EML6: variants seen among roughly 807,000 people sequenced by gnomAD.
The protein encoded by EML6 is EMAP like 6, also known as echinoderm microtubule-associated protein-like 6.
Under a neutral mutation model 240.1 loss-of-function variants are expected in EML6, and 154 were observed. The observed-to-expected ratio is 0.64, with a 90% CI of 0.56 to 0.73. EML6 has a LOEUF of 0.73. Ranked by LOEUF, EML6 falls within the 30% of genes least tolerant of loss-of-function variation. EML6 has a pLI of 0.00. For synonymous variants in EML6, 1,148 were observed against 899.0 expected (o/e 1.28, Z -4.95); for missense variants, 2,964 against 2,474.6 (o/e 1.20, Z -4.20).
Position 54,962,522 on chromosome 2 carries a change from G to C in EML6, c.4969-1G>C. On this transcript the variant is annotated splice_acceptor_variant, in intron 35 of 41. Transcript: ENST00000356458. LOFTEE classifies it high-confidence loss of function. ...TTCTAATAGTGTTTCAATTACAACA[G>C]GGAAAAATCTTAGTGGGAACCAAAG... The C allele has an allele frequency of 1.3e-6, 2 of 1,541,440 alleles. No homozygotes were observed. The highest frequency in any genetic ancestry group is 1.8e-6 in the Non-Finnish European group (2 of 1,141,922).
At chr2:54,841,177 G>C (rs1337853881) in intron 7 of EML6, among the ~76,000 whole-genome samples, 1 of 152,260 alleles carries the variant, frequency 6.6e-6, no homozygotes, top group African/African-American at 2.4e-5. Context: ...CTGTCAGCTT[G>C]CAATGACATC....
intron 2 of EML6, among the ~76,000 whole-genome samples, chr2:54,790,887 A>G (rs1186167634): frequency 1.3e-5 from 2 of 151,698 alleles, no homozygotes; most frequent in Admixed American, 6.5e-5. Context: ...CACCGCGCCC[A>G]GCTAATTTTT....
chr2:54,820,357 A>G, intron 4 of EML6, 37 bp from the exon 5 acceptor site: 3 of 1,445,008 alleles, frequency 2.1e-6, no homozygotes, highest in Non-Finnish European at 2.8e-6. Flanking sequence ...AAAATATACC[A>G]AATGATCAAC....
At chr2:54,945,325 C>T (rs1385044290) in intron 28 of EML6, among the ~76,000 whole-genome samples, 1 of 135,416 alleles carries the variant, frequency 7.4e-6, no homozygotes, top group African/African-American at 2.7e-5. Flanking sequence ...CTTTGGATTT[C>T]CCAAGACATT....
intron 2 of EML6, among the ~76,000 whole-genome samples, chr2:54,731,149 AGG>A (rs983161994): frequency 2.6e-5 from 4 of 152,220 alleles, no homozygotes; most frequent in African/African-American, 7.2e-5. Flanking sequence ...CAAAAGTGCC[AGG>A]GTGGGAAGAA....
rs118158787 is a variant in EML6 at position 54,782,523 on chromosome 2, C to G, written c.198-30709C>G. Among the ~76,000 whole-genome samples, 464 of 152,254 alleles carry G rather than the reference C, an allele frequency of 3.0e-3. 8 individuals carry two copies. The highest frequency in any genetic ancestry group is 0.018 in the East Asian group (92 of 5,190). ...CTTAGATCTTGTTCTTTCTTCTGTTCCTTCTGTAAACCAACTAAGACATAA... is the reference window on the plus strand; with the variant it reads ...CTTAGATCTTGTTCTTTCTTCTGTTGCTTCTGTAAACCAACTAAGACATAA... On this transcript the variant is annotated intron_variant, in intron 2 of 41. Transcript: ENST00000356458.
At chr2:54,731,395 T>G (rs1425249736) in intron 2 of EML6, among the ~76,000 whole-genome samples, 3 of 152,126 alleles carry the variant, frequency 2.0e-5, no homozygotes, top group Admixed American at 6.5e-5. Flanking sequence ...ATCCCAGCAC[T>G]TTGGGAGGCT....
intron 24 of EML6, among the ~76,000 whole-genome samples, chr2:54,908,067 T>A (rs1427936614): frequency 6.6e-6 from 1 of 152,156 alleles, no homozygotes; most frequent in Non-Finnish European, 1.5e-5. Context: ...AAGAAACATG[T>A]ATTAGCAGCA....
At position 54,784,766 on chromosome 2, in the gene EML6, A is replaced by G. The variant is rs1260522961; in HGVS notation, c.198-28466A>G. Among the ~76,000 whole-genome samples the G allele has an allele frequency of 4.6e-5, 7 of 152,220 alleles. No individual in the cohort carries two copies. In the East Asian group the frequency reaches 5.8e-4, roughly 13 times the overall value. On this transcript the variant is annotated intron_variant, in intron 2 of 41. Coordinates refer to ENST00000356458, the MANE Select transcript of EML6 (RefSeq NM_001039753.4). ...GTTACATAGGTAAATGTGTGCACCTATCAACCCATCATCGAGGTATTAAGC... is the reference window on the plus strand; with the variant it reads ...GTTACATAGGTAAATGTGTGCACCTGTCAACCCATCATCGAGGTATTAAGC...
chr2:54,874,713 G>T (rs543453080), intron 16 of EML6, among the ~76,000 whole-genome samples: 2 of 152,190 alleles, frequency 1.3e-5, no homozygotes, highest in African/African-American at 4.8e-5. Flanking sequence ...TTGACTGGGG[G>T]TTGGGGTGAG....
At chr2:54,859,982 C>G (rs563034972) in intron 12 of EML6, among the ~76,000 whole-genome samples, 1 of 152,314 alleles carries the variant, frequency 6.6e-6, no homozygotes, top group Non-Finnish European at 1.5e-5. Flanking sequence ...TCCCTCCACT[C>G]ATGGACACCA....
At chr2:54,899,819 T>A (rs543001634) in intron 22 of EML6, 37 bp downstream of exon 22, 679 of 1,524,486 alleles carry the variant, frequency 4.5e-4, no homozygotes, top group Non-Finnish European at 5.8e-4. Flanking sequence ...TCAGAGTATT[T>A]ACAAGTAACA....
At chr2:54,943,068 T>A (rs1675509625) in intron 28 of EML6, among the ~76,000 whole-genome samples, 1 of 152,076 alleles carries the variant, frequency 6.6e-6, no homozygotes, top group African/African-American at 2.4e-5. Flanking sequence ...AGCTCCTCCA[T>A]CCTTTCCTTT....
intron 28 of EML6, among the ~76,000 whole-genome samples, chr2:54,929,897 A>C (rs1290046916): frequency 1.3e-5 from 2 of 152,206 alleles, no homozygotes; most frequent in African/African-American, 4.8e-5. Context: ...ATTTTTCTGC[A>C]GTGGTCTTCA....
chr2:54,960,513 T>A (rs1676449087), intron 35 of EML6, among the ~76,000 whole-genome samples, 179 bp downstream of exon 35: 1 of 152,198 alleles, frequency 6.6e-6, no homozygotes, highest in Admixed American at 6.5e-5. Flanking sequence ...AAGAACCAGC[T>A]GGGTGACCTT....
At chr2:54,952,256 G>A (rs1231889834) in intron 30 of EML6, among the ~76,000 whole-genome samples, 2 of 152,172 alleles carry the variant, frequency 1.3e-5, no homozygotes, top group Non-Finnish European at 2.9e-5. Context: ...GTGCCATGGA[G>A]TGGAGGAGAC....
At chr2:54,967,131 G>A (rs990149577) in intron 39 of EML6, 28 bp downstream of exon 39, 4 of 1,457,244 alleles carry the variant, frequency 2.7e-6, no homozygotes, top group Non-Finnish European at 1.9e-6. Flanking sequence ...AAAACTTGAG[G>A]AAAAGGTCAC....
At chr2:54,951,740 C>G (rs1002880022) in intron 30 of EML6, among the ~76,000 whole-genome samples, 2 of 149,986 alleles carry the variant, frequency 1.3e-5, no homozygotes, top group Non-Finnish European at 3.0e-5. Flanking sequence ...AATTTTTGTT[C>G]TTTGTCAATT....
At chr2:54,903,322 A>G (rs1323243405) in intron 23 of EML6, 49 bp from the exon 24 acceptor site, 1 of 1,536,634 alleles carries the variant, frequency 6.5e-7, no homozygotes, top group African/African-American at 1.4e-5. Context: ...CCTGGAAGTA[A>G]ATTCCTATAT....
Sources: gnomAD v4.1 joint callset for allele counts (sites outside exome capture counted in the v4.1 genomes callset) on GRCh38, gnomAD v4.1.1 for gene constraint, MANE v1.5 for transcripts, NCBI Gene and HGNC (gene_info 2026-07-23, HGNC 2026-07-21) for gene names.